PDE12: variants seen among roughly 807,000 people sequenced by gnomAD.
PDE12 encodes 2',5'-phosphodiesterase 12.
A neutral mutation model predicts 45.4 loss-of-function variants in PDE12; 26 were observed. That is an observed-to-expected ratio of 0.57 (90% confidence interval 0.42 to 0.79). The LOEUF is 0.79. Ranked by LOEUF, PDE12 falls within the 30% of genes least tolerant of loss-of-function variation. The pLI is 0.00. For missense variants in PDE12, 668 were observed against 790.0 expected (o/e 0.85, Z 1.85); for synonymous variants, 283 against 323.9 (o/e 0.87, Z 1.36).
the PDE12 span, among the ~76,000 whole-genome samples, chr3:57,649,530 TA>T: frequency 1.0e-4 from 14 of 139,138 alleles, no homozygotes; most frequent in Admixed American, 1.4e-4. Context: ...AAGGAAGTCA[TA>T]AAAAAAAAAA....
At chr3:57,604,491 G>A in the PDE12 span, among the ~76,000 whole-genome samples, 1 of 151,976 alleles carries the variant, frequency 6.6e-6, no homozygotes, top group Non-Finnish European at 1.5e-5. Flanking sequence ...GCTGGGCATG[G>A]TGGCCCACAC....
In PDE12 at chr3:57,557,063, T is replaced by C. The variant is rs2069670951; in HGVS notation, c.684T>C (p.Thr228=). 2.5e-6 allele frequency: 4 copies of C among 1,613,858 alleles called. No homozygotes were observed. The highest frequency in any genetic ancestry group is 1.3e-5 in the African/African-American group (1 of 74,850). Residue 228 remains threonine, a synonymous_variant, in exon 1 of 3, where the codon ACT becomes ACC. Coordinates refer to ENST00000311180, the MANE Select transcript of PDE12 (RefSeq NM_177966.7). ...CACCTTCTTCTTCTTGGACTGAGAC[T>C]GATGTGGAGGAGCGTGTCTACACCC... ...PSSPSSSWTE[T]DVEERVYTPS...
At chr3:57,600,928 ATCTT>A in the PDE12 span, 1 of 152,084 alleles carries the variant, frequency 6.6e-6, no homozygotes, top group Non-Finnish European at 1.5e-5. Flanking sequence ...CCAGAAGAGA[ATCTT>A]TCTTATTTTT....
In PDE12 at chr3:57,560,647, G is replaced by A. The variant is rs565125728; in HGVS notation, c.*643G>A. On this transcript the variant is annotated 3_prime_UTR_variant, in exon 3 of 3. Transcript: ENST00000311180. Reference sequence around the variant, plus strand: ...GGCCCTTGTGTACATTTTTATAAGAGAATTTTTTTAGCTAGGAGTTCAGAA... The same window carrying A: ...GGCCCTTGTGTACATTTTTATAAGAAAATTTTTTTAGCTAGGAGTTCAGAA... 6.1e-6 allele frequency: 6 copies of A among 985,170 alleles called. No homozygotes were observed. Among genetic ancestry groups the A allele is most frequent in the Non-Finnish European group, 6.0e-6 (5 of 829,840 alleles). The allele number at this position is 985,170 out of a possible 1,614,324, so 61.0% of individuals were successfully genotyped here.
chr3:57,628,235 C>T, the PDE12 span: 1 of 1,613,174 alleles, frequency 6.2e-7, no homozygotes, highest in African/African-American at 1.3e-5. Flanking sequence ...CCGTTTTGAG[C>T]AGTATGCCTT....
At chr3:57,628,656 A>G in the PDE12 span, among the ~76,000 whole-genome samples, 1 of 152,362 alleles carries the variant, frequency 6.6e-6, no homozygotes, top group East Asian at 1.9e-4. Flanking sequence ...TCAGTGACCA[A>G]GTATTTTCAG....
At chr3:57,618,519 T>C in the PDE12 span, among the ~76,000 whole-genome samples, 1 of 151,478 alleles carries the variant, frequency 6.6e-6, no homozygotes, top group Non-Finnish European at 1.5e-5. Flanking sequence ...CCTCCCAGGC[T>C]CAATCAATCC....
chr3:57,559,955 C>T lies in PDE12; in HGVS notation c.1781C>T (p.Ser594Phe), dbSNP rs2069709709. Residue 594 changes from serine (S) to phenylalanine (F), a missense_variant, in exon 3 of 3, where the codon TCC (serine) becomes TTC (phenylalanine). Around this residue, in one of 3 missense-constraint regions of PDE12, gnomAD observed 79 missense variants for 97.9 expected, o/e 0.81. Coordinates refer to ENST00000311180, the MANE Select transcript of PDE12 (RefSeq NM_177966.7). ...VTTHQALPSV[S>F]HPSDHIALVC... ...ACCCACCAGGCCTTACCTAGTGTTT[C>T]CCATCCCTCTGATCACATAGCACTT... 8.7e-6 allele frequency: 14 copies of T among 1,612,502 alleles called. No individual in the cohort carries two copies. The highest frequency in any genetic ancestry group is 8.3e-5 in the Admixed American group (5 of 59,984).
intron 1 of PDE12, among the ~76,000 whole-genome samples, chr3:57,558,728 G>T (rs2069693474): frequency 6.6e-6 from 1 of 150,888 alleles, no homozygotes; most frequent in South Asian, 2.1e-4. Context: ...CTGACCTCGT[G>T]ATCCGCCCGC....
At chr3:57,636,051 A>G in the PDE12 span, among the ~76,000 whole-genome samples, 1 of 152,354 alleles carries the variant, frequency 6.6e-6, no homozygotes, top group Admixed American at 6.5e-5. Flanking sequence ...TATATAATAC[A>G]TAAAACATAC....
At chr3:57,620,385 C>CAA in the PDE12 span, among the ~76,000 whole-genome samples, 1 of 135,010 alleles carries the variant, frequency 7.4e-6, no homozygotes. Context: ...ATCCCCTCTC[C>CAA]AAAAAAAAAA....
chr3:57,607,749 C>T, the PDE12 span, among the ~76,000 whole-genome samples: 14 of 152,120 alleles, frequency 9.2e-5, no homozygotes, highest in Non-Finnish European at 1.6e-4. Context: ...ACCAAATCTA[C>T]GTCTGATTGG....
At chr3:57,652,172 C>T in the PDE12 span, among the ~76,000 whole-genome samples, 1 of 152,226 alleles carries the variant, frequency 6.6e-6, no homozygotes, top group East Asian at 1.9e-4. Context: ...TTGTAATTAA[C>T]AGAATACGGT....
chr3:57,624,102 C>CT, the PDE12 span, among the ~76,000 whole-genome samples: 1 of 152,054 alleles, frequency 6.6e-6, no homozygotes, highest in Admixed American at 6.5e-5. Context: ...ATCCTCCCAC[C>CT]TTAGCCTCCC....
Position 57,556,475 on chromosome 3 carries a change from G to T in PDE12, c.96G>T (p.Ala32=). ...CTGAAGCGGGGAGCCAGACAGCGGCGGGAGCGATGGAGCGCGCTGTAGTGC... is the reference window on the plus strand; with the variant it reads ...CTGAAGCGGGGAGCCAGACAGCGGCTGGAGCGATGGAGCGCGCTGTAGTGC... The part of the protein sequence containing the change: ...SRAEAGSQTA[A]GAMERAVVRC... Residue 32 remains alanine, a synonymous_variant, in exon 1 of 3, where the codon GCG becomes GCT. Transcript: ENST00000311180. This position sits in a 1 kb window ranked among gnomAD's most constrained non-coding sequence, Gnocchi z 5.0. The T allele has an allele frequency of 6.2e-7, 1 of 1,612,826 alleles. No individual in the cohort carries two copies. The highest frequency in any genetic ancestry group is 8.5e-7 in the Non-Finnish European group (1 of 1,179,690).
chr3:57,593,714 T>C, the PDE12 span, among the ~76,000 whole-genome samples: 1 of 152,306 alleles, frequency 6.6e-6, no homozygotes, highest in Non-Finnish European at 1.5e-5. Context: ...CATCTTATCA[T>C]GGATCAAGAT....
the PDE12 span, among the ~76,000 whole-genome samples, chr3:57,654,225 G>C: frequency 6.6e-6 from 1 of 152,020 alleles, no homozygotes; most frequent in Non-Finnish European, 1.5e-5. Flanking sequence ...AAAGTGCCGG[G>C]ATTACAGGTG....
rs2069712015 is a variant in PDE12, at chr3:57,560,133, C to G, written c.*129C>G. ...AATGTTCAGCCCTCCTAGTTATGTT[C>G]CTGATGTCTTCGTTATGAAACTGTT... On this transcript the variant is annotated 3_prime_UTR_variant, in exon 3 of 3. Coordinates refer to ENST00000311180, the MANE Select transcript of PDE12 (RefSeq NM_177966.7). 3 of 1,435,244 alleles carry G rather than the reference C, an allele frequency of 2.1e-6. No homozygotes were observed. Among genetic ancestry groups the G allele is most frequent in the Non-Finnish European group, 2.7e-6 (3 of 1,100,748 alleles). 88.9% of individuals were successfully genotyped at this position (1,435,244 alleles called of 1,614,324 possible).
the PDE12 span, among the ~76,000 whole-genome samples, chr3:57,606,610 CTGTT>C: frequency 1.3e-5 from 2 of 151,802 alleles, no homozygotes; most frequent in Admixed American, 1.3e-4. Flanking sequence ...AAACAGATAA[CTGTT>C]TAAACAAAAA....
Sources: allele counts gnomAD v4.1 joint callset (sites outside exome capture counted in the v4.1 genomes callset), GRCh38; gene constraint gnomAD v4.1.1; regional missense constraint gnomAD v4.1.1; non-coding constraint Gnocchi (gnomAD v3.1); transcripts MANE v1.5; gene names NCBI Gene and HGNC (gene_info 2026-07-23, HGNC 2026-07-21).